The following ASPRV1 variants were observed in gnomAD, a reference collection of about 807,000 sequenced individuals.
The protein encoded by ASPRV1 is retroviral-like aspartic protease 1.
Under a neutral mutation model 11.0 loss-of-function variants are expected in ASPRV1, and 7 were observed. The ratio of observed to expected loss-of-function variants is 0.64; its 90% CI spans 0.36 to 1.20. The LOEUF (loss-of-function observed/expected upper bound fraction) is 1.20, where lower values mean the gene tolerates loss of function less well. ASPRV1 is among the 50% of genes most tolerant of loss of function. ASPRV1 has a pLI of 0.02. For synonymous variants in ASPRV1, 136 were observed against 138.4 expected, an observed-to-expected ratio of 0.98 and a Z score of 0.12; for missense variants, 299 against 320.0, an observed-to-expected ratio of 0.93 and a Z score of 0.50.
the ASPRV1 span, among the ~76,000 whole-genome samples, chr2:70,020,041 C>G: frequency 6.6e-6 from 1 of 151,864 alleles, no homozygotes; most frequent in Middle Eastern, 3.4e-3. Context: ...TACCATAAAT[C>G]CATACAATTT....
At chr2:69,991,029 A>G in the ASPRV1 span, among the ~76,000 whole-genome samples, 1 of 152,166 alleles carries the variant, frequency 6.6e-6, no homozygotes, top group South Asian at 2.1e-4. Flanking sequence ...CCTGCTGGAC[A>G]TAAAGAACGG....
At chr2:69,943,798 T>C in the ASPRV1 span, among the ~76,000 whole-genome samples, 1 of 152,202 alleles carries the variant, frequency 6.6e-6, no homozygotes, top group East Asian at 1.9e-4. Context: ...CATGGCAAGT[T>C]CGCCAAGTGC....
chr2:69,975,560 T>G, the ASPRV1 span: 1 of 152,224 alleles, frequency 6.6e-6, no homozygotes, highest in South Asian at 2.1e-4. Context: ...TTCACTTGCC[T>G]AGAGAGAGAG....
the ASPRV1 span, among the ~76,000 whole-genome samples, chr2:69,969,591 C>T: frequency 1.2e-4 from 18 of 152,066 alleles, no homozygotes; most frequent in African/African-American, 4.4e-4. Context: ...CATTCCCCCT[C>T]ATTCCACACA....
the ASPRV1 span, among the ~76,000 whole-genome samples, chr2:69,951,448 T>TGA: frequency 2.1e-5 from 1 of 48,212 alleles, no homozygotes; most frequent in South Asian, 6.3e-4. Context: ...AAAAAGTGAG[T>TGA]GTGTGTGTGT....
the ASPRV1 span, among the ~76,000 whole-genome samples, chr2:69,945,267 T>G: frequency 6.6e-6 from 1 of 152,088 alleles, no homozygotes; most frequent in African/African-American, 2.4e-5. Context: ...AAACAAACCC[T>G]CGTAATCTGC....
chr2:69,978,500 A>G, the ASPRV1 span, among the ~76,000 whole-genome samples: 4 of 152,348 alleles, frequency 2.6e-5, no homozygotes, highest in South Asian at 6.2e-4. Flanking sequence ...TCAAGCAGTT[A>G]TGCGGATTAA....
At chr2:69,981,335 G>T in the ASPRV1 span, among the ~76,000 whole-genome samples, 1 of 152,100 alleles carries the variant, frequency 6.6e-6, no homozygotes, top group Non-Finnish European at 1.5e-5. Flanking sequence ...AATATTTATT[G>T]ACGTGGAAAA....
chr2:69,968,707 C>T, the ASPRV1 span, among the ~76,000 whole-genome samples: 2 of 152,244 alleles, frequency 1.3e-5, no homozygotes. Context: ...CCAAGACCCT[C>T]CCCAGCCTGG....
At chr2:69,972,178 C>T in the ASPRV1 span, among the ~76,000 whole-genome samples, 2 of 151,662 alleles carry the variant, frequency 1.3e-5, no homozygotes, top group South Asian at 2.1e-4. Flanking sequence ...TCTCCTGCCT[C>T]AGCCTCCCCA....
At chr2:69,964,693 G>A (rs2104298065), upstream of ASPRV1, 1 of 189,374 alleles carries the variant, frequency 5.3e-6, no homozygotes, top group South Asian at 9.6e-5. Flanking sequence ...GTACCCTGAA[G>A]CAAGCACACC....
the ASPRV1 span, among the ~76,000 whole-genome samples, chr2:70,012,726 A>T: frequency 7.9e-5 from 12 of 152,146 alleles, no homozygotes; most frequent in Admixed American, 1.3e-4. Context: ...TCTTATTAAT[A>T]CTCTGTACAC....
At chr2:69,943,331 G>T in the ASPRV1 span, among the ~76,000 whole-genome samples, 1 of 152,246 alleles carries the variant, frequency 6.6e-6, no homozygotes, top group South Asian at 2.1e-4. Flanking sequence ...ATTTAATGCA[G>T]TGTAATTAGT....
the ASPRV1 span, among the ~76,000 whole-genome samples, chr2:70,068,409 T>C: frequency 2.0e-5 from 3 of 152,102 alleles, no homozygotes; most frequent in Non-Finnish European, 4.4e-5. Context: ...GCTGCAATCT[T>C]ATGGAAACCA....
At chr2:70,059,436 G>A in the ASPRV1 span, among the ~76,000 whole-genome samples, 2 of 151,954 alleles carry the variant, frequency 1.3e-5, no homozygotes, top group Non-Finnish European at 2.9e-5. Context: ...TCAAGTATCA[G>A]TTCTGCCATT....
chr2:69,983,261 G>A, the ASPRV1 span, among the ~76,000 whole-genome samples: 1 of 152,338 alleles, frequency 6.6e-6, no homozygotes, highest in East Asian at 1.9e-4. Context: ...GGAGCGTCTT[G>A]TACTGGATGC....
the ASPRV1 span, among the ~76,000 whole-genome samples, chr2:69,951,138 T>C: frequency 6.6e-6 from 1 of 151,456 alleles, no homozygotes; most frequent in Non-Finnish European, 1.5e-5. Flanking sequence ...AATATGCGAG[T>C]GTGTGGCCCA....
the ASPRV1 span, among the ~76,000 whole-genome samples, chr2:70,072,524 A>G: frequency 6.6e-6 from 1 of 151,714 alleles, no homozygotes; most frequent in Non-Finnish European, 1.5e-5. Context: ...GGAGTTTGAG[A>G]CCAGCCTAGC....
chr2:70,084,534 T>C, the ASPRV1 span, among the ~76,000 whole-genome samples: 2 of 152,242 alleles, frequency 1.3e-5, no homozygotes, highest in Non-Finnish European at 2.9e-5. Flanking sequence ...ACTGACCTAA[T>C]ATCACCACCC....
Sources: gnomAD v4.1 joint callset for allele counts (sites outside exome capture counted in the v4.1 genomes callset) on GRCh38, gnomAD v4.1.1 for gene constraint, MANE v1.5 for transcripts, NCBI Gene and HGNC (gene_info 2026-07-23, HGNC 2026-07-21) for gene names.